Variants in MUC4 observed in about 807,000 individuals in gnomAD.
The protein encoded by MUC4 is mucin 4, cell surface associated.
A neutral mutation model predicts 257.9 loss-of-function variants in MUC4; 202 were observed. The observed-to-expected ratio is 0.78, with a 90% CI of 0.70 to 0.88. The LOEUF is 0.88. MUC4 is among the 40% of genes least tolerant of loss of function. MUC4 has a pLI of 0.00. For synonymous variants in MUC4, 2,351 were observed against 2,757.1 expected, an observed-to-expected ratio of 0.85 and a Z score of 4.62; for missense variants, 5,976 against 6,513.7, an observed-to-expected ratio of 0.92 and a Z score of 2.84.
chr3:195,799,458 G>C (rs1735030802), intron 1 of MUC4, among the ~76,000 whole-genome samples: 1 of 152,144 alleles, frequency 6.6e-6, no homozygotes, highest in South Asian at 2.1e-4. Context: ...GTGCCACCAT[G>C]CCAGGCTAAT....
At position 195,765,487 on chromosome 3, in the gene MUC4, G is replaced by A. The variant is rs761125432; in HGVS notation, c.13619-38C>T. ...ATGGGGGGGAAAGGGCTTATCCAGG[G>A]CTGGGGCTGCAGGCCCTGTCTCAGC... On this transcript the variant is annotated intron_variant, in intron 8 of 24. Coordinates refer to ENST00000463781, the MANE Select transcript of MUC4 (RefSeq NM_018406.7). 48 of 1,581,414 alleles carry A rather than the reference G, an allele frequency of 3.0e-5. 1 individual carries two copies. The South Asian group carries it at 5.3e-4, about 17-fold the overall frequency.
chr3:195,801,541 A>G (rs1341331013), intron 1 of MUC4, among the ~76,000 whole-genome samples: 4 of 151,852 alleles, frequency 2.6e-5, no homozygotes, highest in Middle Eastern at 3.2e-3. Flanking sequence ...GAGCATGTTC[A>G]GGTGTCTGTT....
At chr3:195,806,162 C>A (rs866607109) in intron 1 of MUC4, among the ~76,000 whole-genome samples, 2 of 152,290 alleles carry the variant, frequency 1.3e-5, no homozygotes, top group South Asian at 4.1e-4. Context: ...ATCTATTCCA[C>A]AGCTTGCAAA....
chr3:195,783,131 G>T lies in MUC4; in HGVS notation c.8449C>A (p.Leu2817Ile). The change falls in exon 2 of 25, where the codon CTT becomes ATT. Residue 2817 changes from leucine (L) to isoleucine (I), a missense_variant. Around this residue, in one of 44 missense-constraint regions of MUC4, gnomAD observed 228 missense variants for 206.3 expected, o/e 1.11. Coordinates refer to ENST00000463781, the MANE Select transcript of MUC4 (RefSeq NM_018406.7). ...ACTGAGGAAGCGTCGGTGACAGGAA[G>T]AGAGGTGGCGTGACCTGTGGACACT... ...SSVSTGHATS[L>I]PVTDASSVFT... is the part of the protein sequence containing the mutation. 5 of 1,294,160 alleles carry T rather than the reference G, an allele frequency of 3.9e-6. No homozygotes were observed. The highest frequency in any genetic ancestry group is 5.1e-6 in the Non-Finnish European group (5 of 971,044). 80.2% of individuals were successfully genotyped at this position (1,294,160 alleles called of 1,614,324 possible). A position where few individuals can be genotyped will look rare whatever the true frequency, so the allele number is the denominator to read the frequency against.
In MUC4 at chr3:195,791,376, C is replaced by T. The variant is rs1181520377; in HGVS notation, c.204G>A (p.Gln68=). 2.5e-6 allele frequency: 4 copies of T among 1,613,950 alleles called. No individual in the cohort carries two copies. The highest frequency in any genetic ancestry group is 3.4e-6 in the Non-Finnish European group (4 of 1,179,886). ...GGTTCTGAGATGAAGCTGATATGTC[C>T]TGATTAGAGGTCCTTGAAGAAGCTG... is the stretch of plus-strand genomic sequence containing the variant. The part of the protein sequence containing the change: ...STAASSRTSN[Q]DISASSQNHQ... The change falls in exon 2 of 25, where the codon CAG becomes CAA. Residue 68 remains glutamine (Q), a synonymous_variant. Coordinates refer to ENST00000463781, the MANE Select transcript of MUC4 (RefSeq NM_018406.7).
rs773460274 is a variant in MUC4, at chr3:195,789,952, C to G, written c.1628G>C (p.Gly543Ala). 1 of 1,613,934 alleles carries G rather than the reference C, an allele frequency of 6.2e-7. No homozygotes were observed. Among genetic ancestry groups the G allele is most frequent in the East Asian group, 2.2e-5 (1 of 44,880 alleles). ...GTGGGAGGAGTATGTGGTGGGCTCT[C>G]CTGGTTCCCCTATTGCTGAGACCTT... ...PSKVSAIGEP[G>A]EPTTYSSHST... The change falls in exon 2 of 25, where the codon GGA (glycine) becomes GCA (alanine). Residue 543 changes from glycine (G) to alanine (A), a missense_variant. Physicochemically the swap from Gly to Ala is moderately conservative, Grantham distance 60. Around this residue, in one of 44 missense-constraint regions of MUC4, gnomAD observed 1,583 missense variants for 1,257.4 expected, o/e 1.26. Transcript: ENST00000463781.
chr3:195,759,252 G>A lies in MUC4; in HGVS notation c.14858C>T (p.Pro4953Leu), dbSNP rs149016812. 1,628 of 1,613,994 alleles carry A rather than the reference G, an allele frequency of 1.0e-3. 1 individual carries two copies. The highest frequency in any genetic ancestry group is 1.7e-3 in the Admixed American group (101 of 60,016). The change falls in exon 17 of 25, where the codon CCG (proline) becomes CTG (leucine). Residue 4953 changes from proline to leucine, a missense_variant. By Grantham distance (98) the Pro-to-Leu change is moderately conservative. Transcript: ENST00000463781. ...CACACGACCACCATTGATGGAGGGC[G>A]GGTACTGATCTGAAACACAAAGAGG... is the stretch of plus-strand genomic sequence containing the variant. ...EQANATLNQY[P>L]PSINGGRVIE...
chr3:195,763,938 T>C (rs1235596722), intron 11 of MUC4, 107 bp downstream of exon 11: 1 of 1,434,002 alleles, frequency 7.0e-7, no homozygotes, highest in Non-Finnish European at 9.3e-7. Context: ...CCATCTTCCC[T>C]TGTGGCCACA....
chr3:195,811,584 C>T (rs1736753715), intron 1 of MUC4, 152 bp downstream of exon 1: 3 of 656,020 alleles, frequency 4.6e-6, no homozygotes, highest in South Asian at 4.4e-5. Context: ...CCCTCTCCCT[C>T]TTTTTCTCTC....
At position 195,790,335 on chromosome 3, in the gene MUC4, A is replaced by T. The variant is rs1362331077; in HGVS notation, c.1245T>A (p.Ser415Arg). The T allele has an allele frequency of 6.2e-7, 1 of 1,613,964 alleles. No individual in the cohort carries two copies. The highest frequency in any genetic ancestry group is 8.5e-7 in the Non-Finnish European group (1 of 1,179,844). The change falls in exon 2 of 25, where the codon AGT becomes AGA. Residue 415 changes from serine (S) to arginine (R), a missense_variant. Transcript: ENST00000463781. Reference sequence around the variant, plus strand: ...TGGAAGTGATTGCAGAAATGGTTCCACTTACAGATAGTGATGTCTCCTCTG... The same window carrying T: ...TGGAAGTGATTGCAGAAATGGTTCCTCTTACAGATAGTGATGTCTCCTCTG... ...GNTEETSLSV[S>R]GTISAITSKV... is the part of the protein sequence containing the mutation.
chr3:195,789,134 A>T lies in MUC4; in HGVS notation c.2446T>A (p.Ser816Thr), dbSNP rs1733515068. 1.3e-5 allele frequency: 21 copies of T among 1,613,402 alleles called. No individual in the cohort carries two copies. The highest frequency in any genetic ancestry group is 1.8e-5 in the Non-Finnish European group (21 of 1,179,744). Residue 816 changes from serine to threonine, a missense_variant, in exon 2 of 25, where the codon TCA becomes ACA. Transcript: ENST00000463781. ...SSSGASGTTPSGSEGISTSGE... is the reference protein window; with the variant it reads ...SSSGASGTTPTGSEGISTSGE... ...GAGGTGGATATTCCTTCGCTTCCTG[A>T]AGGTGTTGTGCCACTCGCCCCGGAT...
In MUC4 at chr3:195,791,026, C is replaced by T. The variant is rs1320416357; in HGVS notation, c.554G>A (p.Arg185Lys). ...QEGQSRTTSWRTSIQDTSASS... is the reference protein window; with the variant it reads ...QEGQSRTTSWKTSIQDTSASS... ...AGCTGATGTGTCTTGGATAGAGGTC[C>T]TCCAGGAAGTTGTTCGTGATTGTCC... The change falls in exon 2 of 25, where the codon AGG (arginine) becomes AAG (lysine). Residue 185 changes from arginine (R) to lysine (K), a missense_variant. Arg to Lys is a conservative substitution (Grantham distance 26). Coordinates refer to ENST00000463781, the MANE Select transcript of MUC4 (RefSeq NM_018406.7). 6.2e-7 allele frequency: 1 copy of T among 1,613,920 alleles called. No homozygotes were observed. The highest frequency in any genetic ancestry group is 8.5e-7 in the Non-Finnish European group (1 of 1,179,886).
chr3:195,771,300 C>T (rs1178917886), intron 5 of MUC4, among the ~76,000 whole-genome samples: 3 of 121,170 alleles, frequency 2.5e-5, no homozygotes, highest in Non-Finnish European at 3.4e-5. Flanking sequence ...TGGTCAGTCT[C>T]GTGGTTGGGT....
rs779306993 is a variant in MUC4 at position 195,757,397 on chromosome 3, C to T, written c.14987-69G>A. The T allele has an allele frequency of 1.5e-5, 22 of 1,443,786 alleles. No homozygotes were observed. The highest frequency in any genetic ancestry group is 7.1e-5 in the East Asian group (3 of 42,136). 89.4% of individuals were successfully genotyped at this position (1,443,786 alleles called of 1,614,324 possible). A position where few individuals can be genotyped will look rare whatever the true frequency, so the allele number is the denominator to read the frequency against. On this transcript the variant is annotated intron_variant, in intron 17 of 24. Transcript: ENST00000463781. The surrounding 1 kb of genome is among the most constrained non-coding windows in gnomAD (Gnocchi z 4.8). The stretch of plus-strand genomic sequence containing the variant: ...CGGCTCTGTGGTCTGATTGCTGATA[C>T]GGGGCTTCCCCCACCCCTCTCAGGC...
Position 195,757,067 on chromosome 3 carries a change from G to A in MUC4, c.15168+80C>T. 1.4e-6 allele frequency: 2 copies of A among 1,439,436 alleles called. No individual in the cohort carries two copies. The highest frequency in any genetic ancestry group is 1.3e-5 in the South Asian group (1 of 77,502). The allele number at this position is 1,439,436 out of a possible 1,614,324, so 89.2% of individuals were successfully genotyped here. A position where few individuals can be genotyped will look rare whatever the true frequency, so the allele number is the denominator to read the frequency against. ...TCCCAACACAGACACACCCAGGACA[G>A]GCAGAATCACAGCATCCATTCCACT... On this transcript the variant is annotated intron_variant, in intron 18 of 24. Coordinates refer to ENST00000463781, the MANE Select transcript of MUC4 (RefSeq NM_018406.7). This position sits in a 1 kb window ranked among gnomAD's most constrained non-coding sequence, Gnocchi z 4.8.
rs1422184614 is a variant in MUC4 at position 195,775,454 on chromosome 3, C to G, written c.12944-1149G>C. 4.6e-3 allele frequency among the ~76,000 whole-genome samples: 258 copies of G among 56,470 alleles called. 36 individuals are homozygous for G. The highest frequency in any genetic ancestry group is 0.016 in the African/African-American group (191 of 12,292). The allele number at this position is 56,470 out of a possible 152,430, so 37.0% of individuals were successfully genotyped here. On this transcript the variant is annotated intron_variant, in intron 3 of 24. Coordinates refer to ENST00000463781, the MANE Select transcript of MUC4 (RefSeq NM_018406.7). ...ACCTTCCACACCCATACCTTCCACA[C>G]CCATACCTTCCACAGTCATACCTTC...
intron 18 of MUC4, among the ~76,000 whole-genome samples, chr3:195,754,921 T>C (rs1041365605): frequency 1.4e-5 from 2 of 146,708 alleles, no homozygotes; most frequent in Non-Finnish European, 1.5e-5. Context: ...GTCATGCATG[T>C]ATGCATGTAT....
rs763649308 is a variant in MUC4, at chr3:195,786,594, G to T, written c.4986C>A (p.Ala1662=). The T allele has an allele frequency of 1.3e-6, 2 of 1,529,634 alleles. No individual in the cohort carries two copies. The highest frequency in any genetic ancestry group is 1.8e-6 in the Non-Finnish European group (2 of 1,134,082). 94.8% of individuals were successfully genotyped at this position (1,529,634 alleles called of 1,614,324 possible). A position where few individuals can be genotyped will look rare whatever the true frequency, so the allele number is the denominator to read the frequency against. ...TSPSSASTGH[A]TPLPVTSTSS... Reference sequence around the variant, plus strand: ...AAGTGCTGGTGACAGGAAGAGGGGTGGCGTGACCTGTGGATGCTGAGGAAG... The same window carrying T: ...AAGTGCTGGTGACAGGAAGAGGGGTTGCGTGACCTGTGGATGCTGAGGAAG... The change falls in exon 2 of 25, where the codon GCC becomes GCA. Residue 1662 remains alanine (A), a synonymous_variant. Transcript: ENST00000463781.
At chr3:195,770,646 C>T in intron 5 of MUC4, 1 of 530,236 alleles carries the variant, frequency 1.9e-6, no homozygotes, top group South Asian at 2.1e-5. Context: ...CAAACTGGCC[C>T]AGAGAGCAGA....
Sources: gnomAD v4.1 joint callset for allele counts (sites outside exome capture counted in the v4.1 genomes callset) on GRCh38, gnomAD v4.1.1 for gene constraint, gnomAD v4.1.1 regional missense constraint, Gnocchi (gnomAD v3.1) non-coding constraint, MANE v1.5 for transcripts, NCBI Gene and HGNC (gene_info 2026-07-23, HGNC 2026-07-21) for gene names.